Variants in MED13 observed in about 807,000 individuals in gnomAD.
The protein encoded by MED13 is mediator of RNA polymerase II transcription subunit 13.
A neutral mutation model predicts 225.2 loss-of-function variants in MED13; 23 were observed. The observed-to-expected ratio is 0.10, with a 90% CI of 0.07 to 0.14. The LOEUF is 0.14. MED13 is among the 10% of genes least tolerant of loss of function. The pLI, the probability that MED13 is intolerant of heterozygous loss-of-function variation, is 1.00. For missense variants in MED13, 2,197 were observed against 2,594.5 expected, an observed-to-expected ratio of 0.85 and a Z score of 3.33; for synonymous variants, 942 against 889.2, an observed-to-expected ratio of 1.06 and a Z score of -1.06.
At position 61,961,600 on chromosome 17, in the gene MED13, A is replaced by G. The variant is rs745986612; in HGVS notation, c.5244T>C (p.Leu1748=). Residue 1748 remains leucine (L), a synonymous_variant, in exon 22 of 30, where the codon CTT becomes CTC. Coordinates refer to ENST00000397786, the MANE Select transcript of MED13 (RefSeq NM_005121.3). ...AACATATACTTACATCAGGACTTCT[A>G]AGGGCAGTTTCCATGGCTAAACCTG... ...FGPGLAMETA[L]RSPDRPECIR... 1.2e-6 allele frequency: 2 copies of G among 1,613,524 alleles called. No homozygotes were observed. Among genetic ancestry groups the G allele is most frequent in the East Asian group, 2.2e-5 (1 of 44,876 alleles).
intron 5 of MED13, among the ~76,000 whole-genome samples, chr17:62,032,664 G>A (rs1212567428): frequency 6.6e-6 from 1 of 152,070 alleles, no homozygotes; most frequent in Non-Finnish European, 1.5e-5. Flanking sequence ...CAGGCTGTGT[G>A]ACTTGCTCTG....
intron 8 of MED13, among the ~76,000 whole-genome samples, chr17:62,015,300 G>A (rs1386371222): frequency 1.3e-5 from 2 of 152,096 alleles, no homozygotes; most frequent in Non-Finnish European, 2.9e-5. Flanking sequence ...TTTAAGATTT[G>A]CTTTAAAAAC....
At chr17:61,948,847 G>A (rs1027221135) in intron 28 of MED13, among the ~76,000 whole-genome samples, 1 of 151,372 alleles carries the variant, frequency 6.6e-6, no homozygotes, top group South Asian at 2.1e-4. Context: ...AGCACTTTGG[G>A]AGGCCGAGGC....
intron 8 of MED13, among the ~76,000 whole-genome samples, chr17:62,020,685 C>CTT (rs78598460): frequency 1.7e-3 from 176 of 100,774 alleles, no homozygotes; most frequent in African/African-American, 4.8e-3. Context: ...GGCCTGCTTT[C>CTT]TTTTTTTTTT....
At position 62,031,550 on chromosome 17, in the gene MED13, A is replaced by G. The variant is rs763246448; in HGVS notation, c.903T>C (p.Cys301=). 3 of 1,614,006 alleles carry G rather than the reference A, an allele frequency of 1.9e-6. No individual in the cohort carries two copies. The highest frequency in any genetic ancestry group is 2.5e-6 in the Non-Finnish European group (3 of 1,179,956). The stretch of plus-strand genomic sequence containing the variant: ...GGTGGACACCCAAGCAAGAAGATGA[A>G]CAGTGAGTGGATCCCACAGGGCTAG... ...PTPSPVGSTH[C]SSSCLGVHQV... The change falls in exon 6 of 30, where the codon TGT becomes TGC. Residue 301 remains cysteine (C), a synonymous_variant. Coordinates refer to ENST00000397786, the MANE Select transcript of MED13 (RefSeq NM_005121.3).
chr17:62,062,377 G>A (rs1023144453), intron 2 of MED13, among the ~76,000 whole-genome samples: 23 of 152,110 alleles, frequency 1.5e-4, no homozygotes, highest in African/African-American at 5.6e-4. Flanking sequence ...TAATCACATT[G>A]ATTTGCTCAC....
chr17:62,038,103 A>C (rs913093948), intron 3 of MED13, among the ~76,000 whole-genome samples: 2 of 152,158 alleles, frequency 1.3e-5, no homozygotes, highest in African/African-American at 4.8e-5. Context: ...ATGAAATATT[A>C]AATAAGAGAA....
intron 16 of MED13, among the ~76,000 whole-genome samples, chr17:61,975,346 T>A (rs978822707): frequency 2.4e-4 from 36 of 152,090 alleles, no homozygotes; most frequent in African/African-American, 8.7e-4. Flanking sequence ...AACAAGCACA[T>A]GAAACAATCT....
intron 9 of MED13, among the ~76,000 whole-genome samples, chr17:62,008,015 T>TAAAA (rs2080468431): frequency 2.3e-5 from 1 of 44,274 alleles, no homozygotes. Flanking sequence ...CGAGACTGTC[T>TAAAA]CAAAAAAAAA....
chr17:62,048,671 C>G (rs2143744171), intron 3 of MED13, among the ~76,000 whole-genome samples: 1 of 152,246 alleles, frequency 6.6e-6, no homozygotes, highest in African/African-American at 2.4e-5. Flanking sequence ...ACACTGGCAG[C>G]CCAGCTTATA....
intron 28 of MED13, among the ~76,000 whole-genome samples, chr17:61,947,645 TCTTC>T (rs1340548841): frequency 6.6e-6 from 1 of 152,168 alleles, no homozygotes; most frequent in Non-Finnish European, 1.5e-5. Context: ...AAACAAGCTA[TCTTC>T]GGTTGAACTG....
At chr17:62,054,419 T>A (rs1166662843) in intron 2 of MED13, among the ~76,000 whole-genome samples, 1 of 152,214 alleles carries the variant, frequency 6.6e-6, no homozygotes, top group Admixed American at 6.5e-5. Context: ...ATATTAATCA[T>A]AAATATTAAA....
At chr17:62,002,200 C>T (rs1386118868) in intron 9 of MED13, among the ~76,000 whole-genome samples, 1 of 151,994 alleles carries the variant, frequency 6.6e-6, no homozygotes, top group Non-Finnish European at 1.5e-5. Context: ...TAAATGCCAT[C>T]AAAAGAGGGC....
intron 28 of MED13, among the ~76,000 whole-genome samples, 182 bp from the exon 29 acceptor site, chr17:61,947,199 T>TTG (rs1567935054): frequency 1.3e-5 from 2 of 152,020 alleles, no homozygotes; most frequent in African/African-American, 4.8e-5. Context: ...GAAATGTTTT[T>TTG]TTTTTTTTTT....
Position 61,982,320 on chromosome 17 carries a change from C to G in MED13, c.3683G>C (p.Cys1228Ser), listed in dbSNP as rs767871008. 1.2e-6 allele frequency: 2 copies of G among 1,614,204 alleles called. No individual in the cohort carries two copies. The highest frequency in any genetic ancestry group is 1.7e-6 in the Non-Finnish European group (2 of 1,180,020). The change falls in exon 16 of 30, where the codon TGT becomes TCT. Residue 1228 changes from cysteine to serine, a missense_variant. By Grantham distance (112) the Cys-to-Ser change is moderately radical (BLOSUM62 -1). Coordinates refer to ENST00000397786, the MANE Select transcript of MED13 (RefSeq NM_005121.3). The stretch of plus-strand genomic sequence containing the variant: ...TAATGCAAGGTAGCAGTCATTGCAA[C>G]AGTCACGCTCTTCAACACGTACCCA... Reference protein sequence around the residue: ...SNWVRVEERDCCNDCYLALEH... With the variant: ...SNWVRVEERDSCNDCYLALEH...
At chr17:61,951,556 T>A (rs1212323758) in intron 27 of MED13, among the ~76,000 whole-genome samples, 1 of 152,166 alleles carries the variant, frequency 6.6e-6, no homozygotes, top group Non-Finnish European at 1.5e-5. Flanking sequence ...GTTCATTACA[T>A]CATTATCTAT....
intron 17 of MED13, 140 bp from the exon 18 acceptor site, chr17:61,968,398 T>C: frequency 1.7e-6 from 1 of 577,910 alleles, no homozygotes; most frequent in Non-Finnish European, 2.6e-6. Flanking sequence ...CCATCTCGGC[T>C]CACTGCAAGC....
chr17:62,048,536 A>G (rs72843791), intron 3 of MED13, among the ~76,000 whole-genome samples: 10,251 of 152,094 alleles, frequency 0.067, 597 homozygotes, highest in South Asian at 0.31. Context: ...GTTGAAACAG[A>G]GGGACTCAGA....
rs377382016 is a variant in MED13, at chr17:61,956,473, C to T, written c.5489G>A (p.Arg1830Gln). 9.9e-6 allele frequency: 16 copies of T among 1,610,864 alleles called. No homozygotes were observed. The Admixed American group carries it at 1.0e-4, about 10-fold the overall frequency. ...INIDVPNRAR[R>Q]KKSSARKFGL... ...AAATTTTCTAGCAGAACTTTTTTTC[C>T]GACGAGCCCTATTGTGTGAATAAAG... Residue 1830 changes from arginine to glutamine, a missense_variant, in exon 24 of 30, where the codon CGG (arginine) becomes CAG (glutamine). Around this residue, in one of 12 missense-constraint regions of MED13, gnomAD observed 78 missense variants for 82.1 expected, o/e 0.95. Coordinates refer to ENST00000397786, the MANE Select transcript of MED13 (RefSeq NM_005121.3).
Sources: gnomAD v4.1 joint callset for allele counts (sites outside exome capture counted in the v4.1 genomes callset) on GRCh38, gnomAD v4.1.1 for gene constraint, gnomAD v4.1.1 regional missense constraint, MANE v1.5 for transcripts, NCBI Gene and HGNC (gene_info 2026-07-23, HGNC 2026-07-21) for gene names.